Variants in DNAH7 observed in about 807,000 individuals in gnomAD.
DNAH7 encodes the protein dynein axonemal heavy chain 7.
In DNAH7, 397 loss-of-function variants were observed where a neutral mutation model predicts 444.6. The ratio of observed to expected loss-of-function variants is 0.89; its 90% confidence interval spans 0.82 to 0.97. DNAH7 has a LOEUF of 0.97. Ranked by LOEUF, DNAH7 falls within the 50% of genes least tolerant of loss-of-function variation. The pLI is 0.00. For synonymous variants in DNAH7, 1,636 were observed against 1,624.4 expected (o/e 1.01, Z -0.17); for missense variants, 4,902 against 4,800.8 (o/e 1.02, Z -0.62).
At chr2:195,868,251 C>T (rs1441301250) in intron 40 of DNAH7, among the ~76,000 whole-genome samples, 2 of 151,800 alleles carry the variant, frequency 1.3e-5, no homozygotes, top group African/African-American at 4.8e-5. Context: ...TGCCCGCCAC[C>T]ACACCCGGCT....
chr2:195,742,776 C>A (rs967980763), intron 63 of DNAH7, among the ~76,000 whole-genome samples: 2 of 152,218 alleles, frequency 1.3e-5, no homozygotes, highest in African/African-American at 4.8e-5. Flanking sequence ...GTGCTGTCAA[C>A]TGGTGACTGA....
chr2:195,774,481 CT>C (rs34109486), intron 60 of DNAH7, among the ~76,000 whole-genome samples: 10 of 49,416 alleles, frequency 2.0e-4, no homozygotes, highest in Non-Finnish European at 2.9e-4. Flanking sequence ...CCACATTATC[CT>C]TCTAATTTTT....
At chr2:195,943,484 G>T (rs1443253154) in intron 19 of DNAH7, among the ~76,000 whole-genome samples, 1 of 152,094 alleles carries the variant, frequency 6.6e-6, no homozygotes, top group Non-Finnish European at 1.5e-5. Flanking sequence ...AATTCATTTC[G>T]TGCAGACACA....
rs565894070 is a variant in DNAH7 at position 196,026,827 on chromosome 2, A to G, written c.600T>C (p.Thr200=). Residue 200 remains threonine (T), a synonymous_variant, in exon 7 of 65, where the codon ACT becomes ACC. Coordinates refer to ENST00000312428, the MANE Select transcript of DNAH7 (RefSeq NM_018897.3). ...CATCAGATAATGTAACTATGCTGTCAGTGAAGACTTTCAGATGTTGTGGAA... is the reference window on the plus strand; with the variant it reads ...CATCAGATAATGTAACTATGCTGTCGGTGAAGACTTTCAGATGTTGTGGAA... ...DLVPQHLKVF[T]DSIVTLSDEM... 94 of 1,612,818 alleles carry G rather than the reference A, an allele frequency of 5.8e-5. 2 individuals carry two copies. In the African/African-American group the frequency reaches 1.2e-3, roughly 20 times the overall value.
chr2:195,987,988 A>T lies in DNAH7; in HGVS notation c.1595T>A (p.Leu532Gln). ...GGATGTGTACTGTATTTCCTCTATTAGTTTCTGGTATTTGCAAATTTCATC... is the reference window on the plus strand; with the variant it reads ...GGATGTGTACTGTATTTCCTCTATTTGTTTCTGGTATTTGCAAATTTCATC... Reference protein sequence around the residue: ...IIDEICKYQKLIEEIQYTSIK... With the variant: ...IIDEICKYQKQIEEIQYTSIK... Residue 532 changes from leucine to glutamine, a missense_variant, in exon 13 of 65, where the codon CTA becomes CAA. Transcript: ENST00000312428. 6.2e-7 allele frequency: 1 copy of T among 1,612,244 alleles called. No homozygotes were observed. The highest frequency in any genetic ancestry group is 8.5e-7 in the Non-Finnish European group (1 of 1,179,062).
chr2:195,933,341 C>T (rs567161813), intron 21 of DNAH7, among the ~76,000 whole-genome samples: 132 of 152,242 alleles, frequency 8.7e-4, no homozygotes, highest in African/African-American at 3.0e-3. Flanking sequence ...GTCAGTGTGG[C>T]GATTCCTCAG....
chr2:195,953,327 C>T (rs576113197), intron 19 of DNAH7, among the ~76,000 whole-genome samples: 8 of 152,244 alleles, frequency 5.3e-5, no homozygotes, highest in Non-Finnish European at 8.8e-5. Context: ...AGAGGGGCAC[C>T]CGCCAGATGC....
At chr2:195,982,075 G>A (rs1027416056) in intron 15 of DNAH7, among the ~76,000 whole-genome samples, 1 of 152,086 alleles carries the variant, frequency 6.6e-6, no homozygotes, top group Non-Finnish European at 1.5e-5. Flanking sequence ...TCTGACGAAG[G>A]ATTAATAACC....
At chr2:195,875,610 T>C in intron 38 of DNAH7, 65 bp downstream of exon 38, 2 of 1,454,912 alleles carry the variant, frequency 1.4e-6, no homozygotes, top group South Asian at 2.8e-5. Flanking sequence ...TTTTTTCCAG[T>C]TATTTCTTTA....
At chr2:195,946,768 T>A (rs929605800) in intron 19 of DNAH7, among the ~76,000 whole-genome samples, 2 of 152,044 alleles carry the variant, frequency 1.3e-5, no homozygotes, top group Non-Finnish European at 2.9e-5. Context: ...CAAACCCAGA[T>A]GAGAAGCACA....
intron 9 of DNAH7, among the ~76,000 whole-genome samples, chr2:196,014,132 T>A (rs1393898807): frequency 1.3e-5 from 2 of 152,192 alleles, no homozygotes; most frequent in Non-Finnish European, 2.9e-5. Context: ...GATGAATTGT[T>A]AAGAAAACAG....
At chr2:196,013,587 T>C (rs1197665887) in intron 9 of DNAH7, among the ~76,000 whole-genome samples, 1 of 152,222 alleles carries the variant, frequency 6.6e-6, no homozygotes, top group Non-Finnish European at 1.5e-5. Context: ...AAAATACTGG[T>C]TAGTAAATAA....
chr2:195,750,158 C>T (rs967209154), intron 63 of DNAH7, among the ~76,000 whole-genome samples: 2 of 152,024 alleles, frequency 1.3e-5, no homozygotes, highest in Non-Finnish European at 1.5e-5. Flanking sequence ...TATTTTTACT[C>T]CACTGTTTTC....
intron 35 of DNAH7, among the ~76,000 whole-genome samples, chr2:195,883,011 G>T (rs1460150692): frequency 1.3e-5 from 2 of 152,082 alleles, no homozygotes. Flanking sequence ...TTTTTTCGGG[G>T]TGTTAAATTC....
intron 9 of DNAH7, among the ~76,000 whole-genome samples, chr2:196,018,361 G>A (rs1695155372): frequency 6.6e-6 from 1 of 152,006 alleles, no homozygotes; most frequent in Non-Finnish European, 1.5e-5. Context: ...AAAAAATCCA[G>A]CAAAATATAC....
At chr2:195,980,650 G>T (rs1208277657) in intron 15 of DNAH7, among the ~76,000 whole-genome samples, 1 of 152,078 alleles carries the variant, frequency 6.6e-6, no homozygotes, top group Non-Finnish European at 1.5e-5. Context: ...CATTAAAAAG[G>T]TCATTCACCA....
At chr2:195,889,018 AATG>A (rs1701862538) in intron 31 of DNAH7, 37 bp from the exon 32 acceptor site, 1 of 1,533,496 alleles carries the variant, frequency 6.5e-7, no homozygotes, top group Non-Finnish European at 8.9e-7. Flanking sequence ...GCAAAAACGT[AATG>A]ATGATAATAT....
Position 195,865,974 on chromosome 2 carries a change from C to T in DNAH7, c.6634-953G>A, listed in dbSNP as rs531693706. Among the ~76,000 whole-genome samples the T allele has an allele frequency of 2.9e-4, 44 of 152,152 alleles. 1 individual carries two copies. Among genetic ancestry groups the T allele is most frequent in the Non-Finnish European group, 2.2e-4 (15 of 67,992 alleles). On this transcript the variant is annotated intron_variant, in intron 40 of 64. Transcript: ENST00000312428. Reference sequence around the variant, plus strand: ...AGACAAGGTGGCTTTAGCAAGCCAGCGTGAGAAAATAAATTTCTGTTGTTT... The same window carrying T: ...AGACAAGGTGGCTTTAGCAAGCCAGTGTGAGAAAATAAATTTCTGTTGTTT...
rs761700129 is a variant in DNAH7, at chr2:195,824,370, C to A, written c.9176G>T (p.Gly3059Val). The change falls in exon 49 of 65, where the codon GGT becomes GTT. Residue 3059 changes from glycine to valine, a missense_variant. Transcript: ENST00000312428. ...PLLLKQTFKQ[G>V]GSTCIRLGDS... ...CCCAAGCCGGATACATGTACTCCCA[C>A]CCTGCTTAAAGGTTTGTTTTAGTAG... 1.2e-6 allele frequency: 2 copies of A among 1,613,818 alleles called. No homozygotes were observed. Among genetic ancestry groups the A allele is most frequent in the South Asian group, 2.2e-5 (2 of 91,038 alleles).
Sources: allele counts gnomAD v4.1 joint callset (sites outside exome capture counted in the v4.1 genomes callset), GRCh38; gene constraint gnomAD v4.1.1; transcripts MANE v1.5; gene names NCBI Gene and HGNC (gene_info 2026-07-23, HGNC 2026-07-21).